CSNK1G3: variants seen among roughly 807,000 people sequenced by gnomAD.
CSNK1G3 encodes casein kinase 1 gamma 3.
CSNK1G3 carries 23 observed loss-of-function variants against 64.3 expected under a neutral mutation model. The ratio of observed to expected loss-of-function variants is 0.36; its 90% CI spans 0.26 to 0.51. CSNK1G3 has a LOEUF of 0.51. Among genes scored for constraint, CSNK1G3 ranks in the 20% least tolerant of loss-of-function variants. CSNK1G3 has a pLI of 0.96. For synonymous variants in CSNK1G3, 158 were observed against 162.2 expected (o/e 0.97, Z 0.20); for missense variants, 357 against 510.5 (o/e 0.70, Z 2.90).
In CSNK1G3 at chr5:123,569,916, A is replaced by T. The variant is rs1266167516; in HGVS notation, c.290-3477A>T. Among the ~76,000 whole-genome samples, 6 of 152,140 alleles carry T rather than the reference A, an allele frequency of 3.9e-5. No homozygotes were observed. In the South Asian group the frequency reaches 6.2e-4, roughly 16 times the overall value. On this transcript the variant is annotated intron_variant, in intron 4 of 12. Transcript: ENST00000345990. ...TCAGATTTAGAAACCTTCTATTCCA[A>T]ATTTTTGAGTGTTAAATCAGATGCT...
chr5:123,592,979 A>T (rs1352003462), intron 10 of CSNK1G3, among the ~76,000 whole-genome samples: 1 of 151,942 alleles, frequency 6.6e-6, no homozygotes, highest in Non-Finnish European at 1.5e-5. Flanking sequence ...GAAGAAGATT[A>T]ATACGGTATT....
At chr5:123,546,126 A>G (rs1467878338) in intron 2 of CSNK1G3, among the ~76,000 whole-genome samples, 2 of 152,162 alleles carry the variant, frequency 1.3e-5, no homozygotes, top group African/African-American at 4.8e-5. Context: ...GCTGCCAGTA[A>G]AGCCTTTGCA....
chr5:123,539,771 C>G (rs1781398135), intron 1 of CSNK1G3, among the ~76,000 whole-genome samples: 1 of 151,946 alleles, frequency 6.6e-6, no homozygotes, highest in Admixed American at 6.6e-5. Context: ...ATAAAATTTG[C>G]CAGTGAAATC....
At chr5:123,553,019 T>A in intron 2 of CSNK1G3, 88 bp from the exon 3 acceptor site, 1 of 694,112 alleles carries the variant, frequency 1.4e-6, no homozygotes, top group Non-Finnish European at 2.4e-6. Context: ...GTTAAATGTA[T>A]TATGTGCTTT....
At chr5:123,583,359 G>GTTT (rs10611933) in intron 6 of CSNK1G3, among the ~76,000 whole-genome samples, 20 of 111,274 alleles carry the variant, frequency 1.8e-4, no homozygotes, top group African/African-American at 5.6e-4. Flanking sequence ...TAGAAATCCA[G>GTTT]TTTTTTTTTT....
At chr5:123,546,464 G>C (rs1782534449) in intron 2 of CSNK1G3, among the ~76,000 whole-genome samples, 1 of 151,974 alleles carries the variant, frequency 6.6e-6, no homozygotes, top group Non-Finnish European at 1.5e-5. Flanking sequence ...CTCAGTGAGG[G>C]AAAATGAATT....
At chr5:123,535,073 G>A (rs989608588) in intron 1 of CSNK1G3, among the ~76,000 whole-genome samples, 15 of 152,110 alleles carry the variant, frequency 9.9e-5, no homozygotes, top group Non-Finnish European at 8.8e-5. Flanking sequence ...GTACGATGTA[G>A]CGGTAGGTTA....
At chr5:123,535,419 T>C (rs1011148348) in intron 1 of CSNK1G3, among the ~76,000 whole-genome samples, 1 of 152,120 alleles carries the variant, frequency 6.6e-6, no homozygotes, top group Admixed American at 6.6e-5. Context: ...GGCTGTAGTT[T>C]CATGACTCCT....
At chr5:123,583,114 G>A (rs1336544962) in intron 6 of CSNK1G3, among the ~76,000 whole-genome samples, 1 of 152,136 alleles carries the variant, frequency 6.6e-6, no homozygotes, top group African/African-American at 2.4e-5. Flanking sequence ...CCCTTGGATA[G>A]AATTCAAAGA....
At chr5:123,595,552 T>C (rs1793270782) in intron 10 of CSNK1G3, among the ~76,000 whole-genome samples, 1 of 152,140 alleles carries the variant, frequency 6.6e-6, no homozygotes, top group South Asian at 2.1e-4. Flanking sequence ...TCTTTTTTCA[T>C]CCTTAGTACT....
chr5:123,605,646 T>G (rs767947226), intron 12 of CSNK1G3, among the ~76,000 whole-genome samples: 10 of 152,134 alleles, frequency 6.6e-5, no homozygotes, highest in Non-Finnish European at 1.3e-4. Context: ...GCTTGTGCAT[T>G]TGTTTTATAA....
intron 12 of CSNK1G3, among the ~76,000 whole-genome samples, chr5:123,613,953 A>C (rs1748998152): frequency 6.6e-6 from 1 of 152,192 alleles, no homozygotes; most frequent in South Asian, 2.1e-4. Flanking sequence ...TTTGGAGTCT[A>C]AACTGATTAT....
At chr5:123,591,664 G>A (rs1290493538) in intron 10 of CSNK1G3, among the ~76,000 whole-genome samples, 2 of 151,970 alleles carry the variant, frequency 1.3e-5, no homozygotes, top group African/African-American at 4.8e-5. Context: ...GAAGTATTTG[G>A]ATACCCTATT....
At chr5:123,563,067 A>G (rs772810482) in intron 4 of CSNK1G3, among the ~76,000 whole-genome samples, 20 of 152,084 alleles carry the variant, frequency 1.3e-4, no homozygotes, top group Non-Finnish European at 5.9e-5. Flanking sequence ...GAGAAACTGC[A>G]ATTAATGCAT....
chr5:123,614,079 A>G (rs1749022279), intron 12 of CSNK1G3, among the ~76,000 whole-genome samples: 2 of 152,254 alleles, frequency 1.3e-5, no homozygotes, highest in Admixed American at 1.3e-4. Flanking sequence ...ATTCTTAATT[A>G]CTCTTAGTGA....
intron 3 of CSNK1G3, among the ~76,000 whole-genome samples, chr5:123,556,878 A>C (rs1376261628): frequency 1.3e-5 from 2 of 152,126 alleles, no homozygotes; most frequent in East Asian, 3.9e-4. Context: ...AATATCATTT[A>C]GGTGAAATCC....
chr5:123,532,021 C>T (rs1467205500), intron 1 of CSNK1G3, among the ~76,000 whole-genome samples: 3 of 151,788 alleles, frequency 2.0e-5, no homozygotes, highest in South Asian at 2.1e-4. Context: ...TCAGTTTTTA[C>T]CATTGACTGC....
At chr5:123,610,386 G>A (rs553133617) in intron 12 of CSNK1G3, among the ~76,000 whole-genome samples, 3 of 152,190 alleles carry the variant, frequency 2.0e-5, no homozygotes, top group Admixed American at 1.3e-4. Context: ...GTTAGTTCTA[G>A]GAGGTACCAA....
chr5:123,600,498 A>G (rs1479266048), intron 10 of CSNK1G3, among the ~76,000 whole-genome samples: 2 of 151,778 alleles, frequency 1.3e-5, no homozygotes, highest in East Asian at 3.9e-4. Context: ...GGTGGTGCAC[A>G]CCTGTAATCC....
Sources: gnomAD v4.1 joint callset for allele counts (sites outside exome capture counted in the v4.1 genomes callset) on GRCh38, gnomAD v4.1.1 for gene constraint, MANE v1.5 for transcripts, NCBI Gene and HGNC (gene_info 2026-07-23, HGNC 2026-07-21) for gene names.